Variants in PRKG1 observed in about 807,000 individuals in gnomAD.
PRKG1 encodes protein kinase cGMP-dependent 1.
A neutral mutation model predicts 88.1 loss-of-function variants in PRKG1; 35 were observed. The ratio of observed to expected loss-of-function variants is 0.40; its 90% CI spans 0.30 to 0.53. The LOEUF (loss-of-function observed/expected upper bound fraction) is 0.53. Among genes scored for constraint, PRKG1 ranks in the 20% least tolerant of loss-of-function variants. The pLI, the probability that PRKG1 is intolerant of heterozygous loss-of-function variation, is 0.59. For missense variants in PRKG1, 540 were observed against 839.8 expected (o/e 0.64, Z 4.41); for synonymous variants, 303 against 292.5 (o/e 1.04, Z -0.37).
intron 12 of PRKG1, among the ~76,000 whole-genome samples, chr10:52,277,226 A>C (rs1044456349): frequency 1.3e-5 from 2 of 151,968 alleles, no homozygotes; most frequent in African/African-American, 4.8e-5. Flanking sequence ...CCATGTGAGA[A>C]GCATGGGGAA....
intron 7 of PRKG1, among the ~76,000 whole-genome samples, chr10:52,064,062 C>T (rs1846299732): frequency 6.6e-6 from 1 of 152,192 alleles, no homozygotes; most frequent in Admixed American, 6.5e-5. Flanking sequence ...TTCAGGCCCT[C>T]CCTGGTCTGA....
At chr10:51,528,415 C>T (rs1231463857) in intron 3 of PRKG1, among the ~76,000 whole-genome samples, 1 of 138,500 alleles carries the variant, frequency 7.2e-6, no homozygotes, top group Non-Finnish European at 1.7e-5. Context: ...TGTCTAAATA[C>T]ACTTTTTTCC....
At chr10:52,224,548 CCCAA>C in intron 9 of PRKG1, among the ~76,000 whole-genome samples, 1 of 142,952 alleles carries the variant, frequency 7.0e-6, no homozygotes, top group Admixed American at 7.3e-5. Flanking sequence ...GTACCCATCA[CCCAA>C]GCAGTATACA....
chr10:51,270,297 A>G (rs1467178595), intron 2 of PRKG1, among the ~76,000 whole-genome samples: 1 of 152,198 alleles, frequency 6.6e-6, no homozygotes. Flanking sequence ...GGCAAAATTA[A>G]TGCACTGATT....
intron 7 of PRKG1, among the ~76,000 whole-genome samples, chr10:52,115,948 A>G (rs960003058): frequency 4.6e-5 from 7 of 152,270 alleles, no homozygotes; most frequent in Non-Finnish European, 7.4e-5. Context: ...TGATTCATGA[A>G]TCAGGCAGCG....
intron 3 of PRKG1, among the ~76,000 whole-genome samples, chr10:51,497,141 C>A (rs1030516874): frequency 6.6e-6 from 1 of 152,100 alleles, no homozygotes; most frequent in East Asian, 1.9e-4. Flanking sequence ...AGTCAATTCA[C>A]CTTTCTGAAC....
chr10:51,697,771 C>G, intron 3 of PRKG1: 1 of 1,614,188 alleles, frequency 6.2e-7, no homozygotes. Flanking sequence ...CAGGGGGCAG[C>G]ATGGCAATCT....
At chr10:51,261,928 A>G (rs1589290016) in intron 2 of PRKG1, among the ~76,000 whole-genome samples, 2 of 130,292 alleles carry the variant, frequency 1.5e-5, no homozygotes, top group Admixed American at 1.8e-4. Context: ...TCTGTCGCCC[A>G]GGCTGGAATG....
At chr10:51,420,777 G>A (rs768340981) in intron 2 of PRKG1, among the ~76,000 whole-genome samples, 6 of 152,184 alleles carry the variant, frequency 3.9e-5, no homozygotes, top group Non-Finnish European at 8.8e-5. Context: ...CAGTTCTGCA[G>A]GCTGTGCAGG....
At chr10:51,818,733 C>T (rs1380408293) in intron 4 of PRKG1, among the ~76,000 whole-genome samples, 1 of 98,902 alleles carries the variant, frequency 1.0e-5, no homozygotes, top group Non-Finnish European at 1.8e-5. Flanking sequence ...GAGGGCCGGG[C>T]GCGGTGGCTC....
chr10:51,799,252 C>G (rs1309887365), intron 3 of PRKG1, among the ~76,000 whole-genome samples: 1 of 152,092 alleles, frequency 6.6e-6, no homozygotes, highest in Non-Finnish European at 1.5e-5. Context: ...TCCGTGCCCC[C>G]CTCTTCATTG....
chr10:51,718,155 A>G (rs1006718068), intron 3 of PRKG1, among the ~76,000 whole-genome samples: 4 of 152,246 alleles, frequency 2.6e-5, no homozygotes, highest in African/African-American at 9.6e-5. Context: ...ATATAGTAAA[A>G]TAACAATAAT....
intron 7 of PRKG1, among the ~76,000 whole-genome samples, chr10:52,126,713 A>G (rs1847939338): frequency 3.3e-5 from 5 of 152,236 alleles, no homozygotes; most frequent in Admixed American, 3.3e-4. Flanking sequence ...AGGATAATGG[A>G]AGTTTTATGG....
intron 7 of PRKG1, among the ~76,000 whole-genome samples, chr10:52,100,101 G>A (rs531534741): frequency 1.4e-4 from 22 of 152,284 alleles, no homozygotes; most frequent in African/African-American, 5.3e-4. Context: ...ATTATGGACA[G>A]CAATGAATTC....
chr10:51,562,223 C>A (rs1397797538), intron 3 of PRKG1, among the ~76,000 whole-genome samples: 40 of 146,338 alleles, frequency 2.7e-4, no homozygotes, highest in South Asian at 4.4e-4. Context: ...GACTCCATCT[C>A]AAAAAAAAAA....
chr10:51,872,554 A>C (rs12761620), intron 4 of PRKG1, among the ~76,000 whole-genome samples: 8,465 of 152,152 alleles, frequency 0.056, 316 homozygotes, highest in Admixed American at 0.11. Context: ...AAGACTTATA[A>C]TTTTTTCAAT....
chr10:52,062,912 A>G, intron 7 of PRKG1: 1 of 660,432 alleles, frequency 1.5e-6, no homozygotes, highest in South Asian at 1.7e-5. Flanking sequence ...TAACAACTTC[A>G]AAGAGAGGAA....
chr10:51,623,212 A>AT (rs919774657), intron 3 of PRKG1, among the ~76,000 whole-genome samples: 3 of 152,208 alleles, frequency 2.0e-5, no homozygotes, highest in South Asian at 2.1e-4. Flanking sequence ...TCTATTTTTC[A>AT]TTTTTTGAGA....
chr10:51,997,494 A>G (rs1844479921), intron 5 of PRKG1, among the ~76,000 whole-genome samples: 1 of 151,752 alleles, frequency 6.6e-6, no homozygotes, highest in Non-Finnish European at 1.5e-5. Context: ...AAAGAAAGAA[A>G]TAAGTTAAAG....
Sources: gnomAD v4.1 joint callset for allele counts (sites outside exome capture counted in the v4.1 genomes callset) on GRCh38, gnomAD v4.1.1 for gene constraint, MANE v1.5 for transcripts, NCBI Gene and HGNC (gene_info 2026-07-23, HGNC 2026-07-21) for gene names.